Variants in NEBL observed in about 807,000 individuals in gnomAD.
NEBL encodes LIM and SH3 protein 2.
In NEBL, 122 loss-of-function variants were observed where a neutral mutation model predicts 140.2. That is an observed-to-expected ratio of 0.87 (90% CI 0.75 to 1.01). The LOEUF (loss-of-function observed/expected upper bound fraction) is 1.01. Among genes scored for constraint, NEBL ranks in the 50% least tolerant of loss-of-function variants. NEBL has a pLI of 0.00. For synonymous variants in NEBL, 436 were observed against 398.9 expected, an observed-to-expected ratio of 1.09 and a Z score of -1.11; for missense variants, 1,365 against 1,231.3, an observed-to-expected ratio of 1.11 and a Z score of -1.62.
chr10:21,008,891 T>C (rs1838233113), intron 3 of NEBL, among the ~76,000 whole-genome samples: 1 of 151,756 alleles, frequency 6.6e-6, no homozygotes, highest in South Asian at 2.1e-4. Context: ...GTAATGTATG[T>C]ATATTATATG....
rs1034168754 is a variant in NEBL, at chr10:20,858,284, A to C, written c.859T>G (p.Leu287Val). The C allele has an allele frequency of 5.6e-6, 9 of 1,612,224 alleles. No individual in the cohort carries two copies. The highest frequency in any genetic ancestry group is 7.6e-6 in the Non-Finnish European group (9 of 1,178,226). ...HDPVSDLPNLLFLDHVLKASK... is the reference protein window; with the variant it reads ...HDPVSDLPNLVFLDHVLKASK... The stretch of plus-strand genomic sequence containing the variant: ...GCTTTCAAAACATGGTCTAAAAACA[A>C]CAAATTTGGGAGATCTGAAACTGGA... Residue 287 changes from leucine (L) to valine (V), a missense_variant, in exon 9 of 28, where the codon TTG (leucine) becomes GTG (valine). Physicochemically the swap from Leu to Val is conservative, Grantham distance 32. Around this residue, in one of 2 missense-constraint regions of NEBL, gnomAD observed 1,323 missense variants for 1,154.8 expected, o/e 1.15. Transcript: ENST00000377122.
chr10:21,097,555 G>T (rs370338380), intron 2 of NEBL, among the ~76,000 whole-genome samples: 19 of 152,284 alleles, frequency 1.2e-4, no homozygotes, highest in African/African-American at 4.6e-4. Flanking sequence ...TGGCTTAAAT[G>T]AGTCATTTTG....
chr10:21,026,020 T>C (rs984623200), intron 2 of NEBL, among the ~76,000 whole-genome samples: 3 of 152,212 alleles, frequency 2.0e-5, no homozygotes, highest in African/African-American at 4.8e-5. Context: ...TTCATCTATA[T>C]AGTCGGAATA....
chr10:21,249,685 A>G (rs566433177), intron 2 of NEBL, among the ~76,000 whole-genome samples: 1 of 151,426 alleles, frequency 6.6e-6, no homozygotes, highest in Non-Finnish European at 1.5e-5. Context: ...TCATGATTCA[A>G]ATATTACATG....
chr10:21,114,629 T>C (rs1029824246), intron 2 of NEBL, among the ~76,000 whole-genome samples: 9 of 152,056 alleles, frequency 5.9e-5, no homozygotes, highest in Non-Finnish European at 1.5e-5. Context: ...AATGATTCCT[T>C]TATCATTTTG....
chr10:21,143,656 G>T (rs1261817871), intron 2 of NEBL, among the ~76,000 whole-genome samples: 2 of 151,996 alleles, frequency 1.3e-5, no homozygotes, highest in African/African-American at 4.8e-5. Flanking sequence ...CCAAATTCTA[G>T]TCTTCAATCT....
At chr10:21,000,280 T>C (rs1186415594) in intron 3 of NEBL, among the ~76,000 whole-genome samples, 1 of 151,724 alleles carries the variant, frequency 6.6e-6, no homozygotes, top group Non-Finnish European at 1.5e-5. Flanking sequence ...TGCCCTGCCC[T>C]CAAGGGGCCA....
At chr10:21,067,922 TGAGCC>T (rs1835642689) in intron 2 of NEBL, among the ~76,000 whole-genome samples, 1 of 152,096 alleles carries the variant, frequency 6.6e-6, no homozygotes, top group Admixed American at 6.5e-5. Context: ...AAGGCTGCAG[TGAGCC>T]GTGACTGCAC....
intron 3 of NEBL, chr10:20,961,782 A>T: frequency 6.2e-7 from 1 of 1,609,584 alleles, no homozygotes; most frequent in Non-Finnish European, 8.5e-7. Flanking sequence ...TACTTGACCT[A>T]ACAAGAAGGG....
chr10:20,804,731 C>T (rs1351599140), intron 26 of NEBL, among the ~76,000 whole-genome samples: 1 of 152,052 alleles, frequency 6.6e-6, no homozygotes, highest in Non-Finnish European at 1.5e-5. Context: ...TGAGAGTGGA[C>T]AGATATACTT....
At chr10:20,850,625 T>G in intron 10 of NEBL, 123 bp from the exon 11 acceptor site, 1 of 686,778 alleles carries the variant, frequency 1.5e-6, no homozygotes, top group East Asian at 2.7e-5. Flanking sequence ...TTCTGGCCAT[T>G]TAGGTTGAGC....
At chr10:21,239,304 A>G (rs1178127488) in intron 3 of NEBL, among the ~76,000 whole-genome samples, 1 of 152,178 alleles carries the variant, frequency 6.6e-6, no homozygotes, top group East Asian at 1.9e-4. Context: ...TCAGATGCTG[A>G]ATAGTTTACT....
chr10:20,826,231 T>G (rs1839843707), intron 18 of NEBL, among the ~76,000 whole-genome samples: 5 of 152,154 alleles, frequency 3.3e-5, no homozygotes, highest in Admixed American at 3.3e-4. Context: ...TCTTCTTCAT[T>G]GTGATATATC....
chr10:21,066,530 T>C (rs752777003), intron 2 of NEBL, among the ~76,000 whole-genome samples: 1 of 152,212 alleles, frequency 6.6e-6, no homozygotes, highest in African/African-American at 2.4e-5. Context: ...AACAAATATG[T>C]CTAAGATATT....
rs144168090 is a variant in NEBL, at chr10:21,200,798, A to G, written n.349-28321T>C. Among the ~76,000 whole-genome samples, 676 of 152,290 alleles carry G rather than the reference A, an allele frequency of 4.4e-3. 4 individuals carry two copies. Among genetic ancestry groups the G allele is most frequent in the African/African-American group, 0.015 (642 of 41,562 alleles). ...TTGAATTTTGGTGACCTAAGGTTAC[A>G]GTGATGGAGATGATTTAAAAAGTGG... is the stretch of plus-strand genomic sequence containing the variant. On this transcript the variant is annotated intron_variant and non_coding_transcript_variant, in intron 3 of 8. Transcript: ENST00000675702.
intron 3 of NEBL, among the ~76,000 whole-genome samples, chr10:21,181,178 G>A (rs984685525): frequency 4.6e-5 from 7 of 151,544 alleles, no homozygotes; most frequent in Non-Finnish European, 5.9e-5. Flanking sequence ...CAGGAGAATC[G>A]CTTGAACCCA....
chr10:20,965,736 CG>C (rs1328738932), intron 3 of NEBL, among the ~76,000 whole-genome samples: 4 of 152,148 alleles, frequency 2.6e-5, no homozygotes, highest in Admixed American at 2.6e-4. Flanking sequence ...GCAGGACAGA[CG>C]CGAGAAGCCC....
Position 20,897,233 on chromosome 10 carries a change from T to A in NEBL, c.-28A>T. Reference sequence around the variant, plus strand: ...TTACCCTTTAAAATATTTATATTTTTAAAATTTACTCATGTGGCGTCCTTT... The same window carrying A: ...TTACCCTTTAAAATATTTATATTTTAAAAATTTACTCATGTGGCGTCCTTT... On this transcript the variant is annotated 5_prime_UTR_variant, in exon 1 of 28. It removes the in-frame stop codon of an upstream open reading frame in the 5' UTR. Coordinates refer to ENST00000377122, the MANE Select transcript of NEBL (RefSeq NM_006393.3). 6.5e-7 allele frequency: 1 copy of A among 1,538,936 alleles called. No individual in the cohort carries two copies. The highest frequency in any genetic ancestry group is 1.2e-5 in the South Asian group (1 of 81,954).
At chr10:20,818,047 C>A (rs908772415) in intron 20 of NEBL, among the ~76,000 whole-genome samples, 1 of 152,118 alleles carries the variant, frequency 6.6e-6, no homozygotes, top group Non-Finnish European at 1.5e-5. Context: ...CCCTGTCACC[C>A]TAGAAGGCTT....
Sources: allele counts gnomAD v4.1 joint callset (sites outside exome capture counted in the v4.1 genomes callset), GRCh38; gene constraint gnomAD v4.1.1; regional missense constraint gnomAD v4.1.1; transcripts MANE v1.5; gene names NCBI Gene and HGNC (gene_info 2026-07-23, HGNC 2026-07-21).